Variants in SCG3 observed in about 807,000 individuals in gnomAD.
SCG3 encodes secretogranin III, also known as secretogranin-3.
SCG3 carries 38 observed loss-of-function variants against 56.2 expected under a neutral mutation model. The ratio of observed to expected loss-of-function variants is 0.68; its 90% CI spans 0.52 to 0.89. SCG3 has a LOEUF of 0.89. Among genes scored for constraint, SCG3 ranks in the 40% least tolerant of loss-of-function variants. The probability of loss-of-function intolerance (pLI) is 0.00; values close to 1 mark genes in which losing one functional copy is unlikely to be tolerated. For synonymous variants in SCG3, 176 were observed against 184.2 expected (o/e 0.96, Z 0.36); for missense variants, 524 against 540.7 (o/e 0.97, Z 0.31).
At chr15:51,695,395 T>C (rs985538500) in intron 7 of SCG3, among the ~76,000 whole-genome samples, 1 of 152,192 alleles carries the variant, frequency 6.6e-6, no homozygotes, top group Non-Finnish European at 1.5e-5. Flanking sequence ...TTACCTCAGG[T>C]TGAAAACTGT....
At chr15:51,704,760 A>AATAAATATATATATATAT (rs1567221019) in intron 10 of SCG3, among the ~76,000 whole-genome samples, 1 of 44,096 alleles carries the variant, frequency 2.3e-5, no homozygotes, top group Non-Finnish European at 5.0e-5. Context: ...TGTTGTGAGT[A>AATAAATATATATATATAT]ATACATATAT....
chr15:51,720,963 A>G lies in SCG3; in HGVS notation c.*1437A>G, dbSNP rs905276044. 17 of 155,766 alleles carry G rather than the reference A, an allele frequency of 1.1e-4. No homozygotes were observed. Among genetic ancestry groups the G allele is most frequent in the African/African-American group, 3.6e-4 (15 of 41,496 alleles). The allele number at this position is 155,766 out of a possible 1,614,324, so 9.6% of individuals were successfully genotyped here. ...CCCAGCCAGCAGCAGCAACCTGTTC[A>G]GGTCGCCTGCCGCTGTGGAAGCTTT... On this transcript the variant is annotated 3_prime_UTR_variant, in exon 12 of 12. Transcript: ENST00000220478.
Position 51,682,560 on chromosome 15 carries a change from G to A in SCG3, c.126G>A (p.Leu42=), listed in dbSNP as rs1224225306. ...HNRELSAERP[L]NEQIAEAEED... is the part of the protein sequence containing the mutation. ...GAGAATTAAGTGCAGAAAGACCTTT[G>A]AATGAACAGGTAGGTCAAAAGTAAC... The change falls in exon 2 of 12, where the codon TTG becomes TTA. Residue 42 remains leucine (L), a synonymous_variant. Transcript: ENST00000220478. 1 of 1,427,746 alleles carries A rather than the reference G, an allele frequency of 7.0e-7. No homozygotes were observed. The highest frequency in any genetic ancestry group is 2.7e-5 in the East Asian group (1 of 37,660). 88.4% of individuals were successfully genotyped at this position (1,427,746 alleles called of 1,614,324 possible).
chr15:51,683,199 G>A lies in SCG3; in HGVS notation c.182-20G>A. 6.2e-7 allele frequency: 1 copy of A among 1,610,020 alleles called. No individual in the cohort carries two copies. Among genetic ancestry groups the A allele is most frequent in the Non-Finnish European group, 8.5e-7 (1 of 1,177,128 alleles). On this transcript the variant is annotated intron_variant, in intron 3 of 11. Coordinates refer to ENST00000220478, the MANE Select transcript of SCG3 (RefSeq NM_013243.4). ...ATCTGAACTAAAATGGCTGTGTTGG[G>A]TTTGGGGCTATTCTTCCAGAAAACA...
Position 51,701,095 on chromosome 15 carries a change from A to T in SCG3, c.1070-12A>T, listed in dbSNP as rs1216738813. 1.2e-6 allele frequency: 2 copies of T among 1,613,436 alleles called. No homozygotes were observed. Among genetic ancestry groups the T allele is most frequent in the South Asian group, 1.1e-5 (1 of 91,024 alleles). On this transcript the variant is annotated splice_polypyrimidine_tract_variant and intron_variant, in intron 9 of 11. Transcript: ENST00000220478. ...AACAGGGCTATGACAACAATGCTCA[A>T]TCTGATTACAGCACCATCAGAGAAG...
intron 7 of SCG3, among the ~76,000 whole-genome samples, chr15:51,694,784 A>G (rs1197814421): frequency 2.0e-5 from 3 of 152,192 alleles, no homozygotes; most frequent in Admixed American, 6.5e-5. Context: ...TAATCCCCAC[A>G]CTTTGGGAGG....
intron 7 of SCG3, among the ~76,000 whole-genome samples, chr15:51,692,876 T>C (rs1379214584): frequency 1.4e-5 from 2 of 146,702 alleles, no homozygotes; most frequent in Non-Finnish European, 3.1e-5. Flanking sequence ...TTTTTTTCTT[T>C]TATTCTTTTT....
intron 7 of SCG3, among the ~76,000 whole-genome samples, chr15:51,692,971 C>T (rs1024098979): frequency 6.6e-6 from 1 of 152,062 alleles, no homozygotes; most frequent in Non-Finnish European, 1.5e-5. Flanking sequence ...CACCACCATG[C>T]TGTACATTCT....
intron 5 of SCG3, among the ~76,000 whole-genome samples, chr15:51,688,715 G>C (rs1308702466): frequency 6.6e-6 from 1 of 152,076 alleles, no homozygotes; most frequent in Non-Finnish European, 1.5e-5. Flanking sequence ...AAGCTTAGAG[G>C]GATGGTTAGG....
chr15:51,697,132 CTGTGTGTGTGTGTGTG>C (rs3078107), intron 8 of SCG3, among the ~76,000 whole-genome samples: 1 of 145,924 alleles, frequency 6.9e-6, no homozygotes, highest in Non-Finnish European at 1.5e-5. Context: ...AGATGTTATT[CTGTGTGTGTGTGTGTG>C]TGTGTGTGTG....
chr15:51,714,733 A>G (rs1032702794), intron 11 of SCG3, among the ~76,000 whole-genome samples: 1 of 152,222 alleles, frequency 6.6e-6, no homozygotes, highest in African/African-American at 2.4e-5. Flanking sequence ...GATACAGCAC[A>G]GAGGGAGAAA....
intron 11 of SCG3, among the ~76,000 whole-genome samples, chr15:51,716,741 C>T (rs2055458780): frequency 6.6e-6 from 1 of 152,252 alleles, no homozygotes; most frequent in African/African-American, 2.4e-5. Flanking sequence ...CCGACACTAG[C>T]TGGTTGTCCG....
chr15:51,692,213 G>C lies in SCG3; in HGVS notation c.745G>C (p.Val249Leu). 2 of 1,614,024 alleles carry C rather than the reference G, an allele frequency of 1.2e-6. No homozygotes were observed. The highest frequency in any genetic ancestry group is 1.7e-6 in the Non-Finnish European group (2 of 1,179,926). The part of the protein sequence containing the change: ...GLAKGENDET[V>L]SNTLTLTNGL... ...TGCTAAGGGAGAAAACGATGAAACAGTATCTAACACATTAACCTTGACAAA... is the reference window on the plus strand; with the variant it reads ...TGCTAAGGGAGAAAACGATGAAACACTATCTAACACATTAACCTTGACAAA... The change falls in exon 7 of 12, where the codon GTA (valine) becomes CTA (leucine). Residue 249 changes from valine (V) to leucine (L), a missense_variant. Val to Leu is a conservative substitution (Grantham distance 32). Transcript: ENST00000220478.
chr15:51,685,400 G>A (rs778691000), intron 4 of SCG3, among the ~76,000 whole-genome samples: 5 of 152,148 alleles, frequency 3.3e-5, no homozygotes, highest in Admixed American at 1.3e-4. Flanking sequence ...TGATCTGACC[G>A]CTAATTTGAG....
In SCG3 at chr15:51,683,367, A is replaced by C. The variant is rs181028089; in HGVS notation, c.330A>C (p.Ser110=). The change falls in exon 4 of 12, where the codon TCA becomes TCC. Residue 110 remains serine, a synonymous_variant. Coordinates refer to ENST00000220478, the MANE Select transcript of SCG3 (RefSeq NM_013243.4). ...AGTTGAATGTGGAAGATGTTGATTC[A>C]ACCAAGAATCGAAAACTGATCGATG... ...DNKLNVEDVD[S]TKNRKLIDDY... is the part of the protein sequence containing the mutation. 9 of 1,613,824 alleles carry C rather than the reference A, an allele frequency of 5.6e-6. No individual in the cohort carries two copies. In the East Asian group the frequency reaches 1.3e-4, roughly 24 times the overall value.
chr15:51,716,604 G>C (rs1016045088), intron 11 of SCG3, among the ~76,000 whole-genome samples: 23 of 152,126 alleles, frequency 1.5e-4, no homozygotes, highest in African/African-American at 5.6e-4. Context: ...TTACCCATGA[G>C]TGTGGAAAAA....
At chr15:51,702,355 C>T (rs893223110) in intron 10 of SCG3, among the ~76,000 whole-genome samples, 1 of 152,150 alleles carries the variant, frequency 6.6e-6, no homozygotes, top group African/African-American at 2.4e-5. Context: ...CTCCTGGGTT[C>T]AAGTGATTCT....
At chr15:51,719,109 A>G (rs1386809400) in intron 11 of SCG3, among the ~76,000 whole-genome samples, 4 of 152,214 alleles carry the variant, frequency 2.6e-5, no homozygotes, top group Non-Finnish European at 4.4e-5. Flanking sequence ...TGGTATAAAC[A>G]TTAAAATTTG....
rs148744249 is a variant in SCG3, at chr15:51,709,662, CATATATATATATATATATATAT to C, written c.1208-3652_1208-3631del. Among the ~76,000 whole-genome samples, 26 of 28,402 alleles carry C rather than the reference CATATATATATATATATATATAT, an allele frequency of 9.2e-4. 1 individual carries two copies. Among genetic ancestry groups the C allele is most frequent in the African/African-American group, 2.5e-3 (16 of 6,506 alleles). 18.6% of individuals were successfully genotyped at this position (28,402 alleles called of 152,430 possible). A position where few individuals can be genotyped will look rare whatever the true frequency, so the allele number is the denominator to read the frequency against. ...AAAAAAGGCAGAGATAAATCTATGC[CATATATATATATATATATATAT>C]ATATATATATATATATATTTTTTTT... is the stretch of plus-strand genomic sequence containing the variant. On this transcript the variant is annotated intron_variant, in intron 10 of 11. Transcript: ENST00000220478.
Sources: allele counts gnomAD v4.1 joint callset (sites outside exome capture counted in the v4.1 genomes callset), GRCh38; gene constraint gnomAD v4.1.1; transcripts MANE v1.5; gene names NCBI Gene and HGNC (gene_info 2026-07-23, HGNC 2026-07-21).